The following KSR1 variants were observed in gnomAD, a reference collection of about 807,000 sequenced individuals.
KSR1 encodes the protein kinase suppressor of ras.
KSR1 carries 35 observed loss-of-function variants against 92.9 expected under a neutral mutation model. The ratio of observed to expected loss-of-function variants is 0.38; its 90% confidence interval spans 0.29 to 0.50. KSR1 has a LOEUF of 0.50. KSR1 is among the 20% of genes least tolerant of loss of function. The probability of loss-of-function intolerance (pLI) is 0.94; values close to 1 mark genes in which losing one functional copy is unlikely to be tolerated. For synonymous variants in KSR1, 467 were observed against 472.6 expected (o/e 0.99, Z 0.15); for missense variants, 972 against 1,158.5 (o/e 0.84, Z 2.34).
At chr17:27,621,813 A>C in intron 20 of KSR1, 3 of 967,066 alleles carry the variant, frequency 3.1e-6, no homozygotes, top group Non-Finnish European at 4.9e-6. Flanking sequence ...TCTCTCTGGA[A>C]GAGAAAGGGA....
intron 18 of KSR1, among the ~76,000 whole-genome samples, chr17:27,615,705 G>T (rs1044163363): frequency 2.0e-5 from 3 of 151,916 alleles, no homozygotes; most frequent in Admixed American, 1.3e-4. Context: ...TTCACTCCTG[G>T]GTCAGTTGCA....
chr17:27,590,641 G>T (rs1317158530), intron 6 of KSR1, among the ~76,000 whole-genome samples, 170 bp from the exon 7 acceptor site: 1 of 152,218 alleles, frequency 6.6e-6, no homozygotes, highest in Non-Finnish European at 1.5e-5. Context: ...TTAAATGTGA[G>T]GGGAGAAGCA....
intron 1 of KSR1, among the ~76,000 whole-genome samples, chr17:27,539,690 T>C (rs2070888300): frequency 6.6e-6 from 1 of 152,228 alleles, no homozygotes; most frequent in Admixed American, 6.5e-5. Context: ...GTGGGTGTCT[T>C]TCTTTCTCAT....
intron 1 of KSR1, among the ~76,000 whole-genome samples, chr17:27,486,433 G>A (rs1413359888): frequency 6.6e-6 from 1 of 152,198 alleles, no homozygotes; most frequent in Non-Finnish European, 1.5e-5. Context: ...TGGCCAGTAT[G>A]TGGAACTCCC....
At chr17:27,463,467 GA>G (rs963635192) in intron 1 of KSR1, among the ~76,000 whole-genome samples, 1,557 of 109,642 alleles carry the variant, frequency 0.014, 14 homozygotes, top group African/African-American at 0.032. Flanking sequence ...GGATGACAGA[GA>G]AAAAAAAAAA....
intron 1 of KSR1, among the ~76,000 whole-genome samples, chr17:27,508,464 C>CA (rs1287258264): frequency 6.6e-6 from 1 of 152,112 alleles, no homozygotes; most frequent in Non-Finnish European, 1.5e-5. Context: ...AGCCTGGAGT[C>CA]CTGCTATTTG....
chr17:27,499,724 C>T (rs2069110774), intron 1 of KSR1, among the ~76,000 whole-genome samples: 1 of 152,214 alleles, frequency 6.6e-6, no homozygotes, highest in Admixed American at 6.5e-5. Flanking sequence ...ATGGGTCTGG[C>T]TCTCAGGTAA....
intron 1 of KSR1, among the ~76,000 whole-genome samples, chr17:27,490,228 A>G (rs925845657): frequency 2.0e-5 from 3 of 152,248 alleles, no homozygotes; most frequent in Non-Finnish European, 2.9e-5. Context: ...AAAGTTAAGC[A>G]TATAGTAAAT....
chr17:27,468,461 T>C (rs908883220), intron 1 of KSR1, among the ~76,000 whole-genome samples: 2 of 151,278 alleles, frequency 1.3e-5, no homozygotes, highest in Non-Finnish European at 3.0e-5. Flanking sequence ...GCTTGTGAGC[T>C]CAAGCAATTT....
At chr17:27,514,833 T>A (rs1323806384) in intron 1 of KSR1, among the ~76,000 whole-genome samples, 1 of 152,226 alleles carries the variant, frequency 6.6e-6, no homozygotes, top group East Asian at 1.9e-4. Flanking sequence ...ATGGCTGCTA[T>A]ATCTCCAGGT....
intron 7 of KSR1, among the ~76,000 whole-genome samples, chr17:27,591,903 G>C (rs1374488212): frequency 6.6e-6 from 1 of 152,246 alleles, no homozygotes; most frequent in African/African-American, 2.4e-5. Flanking sequence ...GCCCGGGGCT[G>C]ACCCTCAGAC....
intron 1 of KSR1, among the ~76,000 whole-genome samples, chr17:27,504,759 C>T (rs2069315856): frequency 2.0e-5 from 3 of 152,158 alleles, no homozygotes; most frequent in South Asian, 2.1e-4. Context: ...GAGGGCTGCT[C>T]CTTTGCAGGA....
chr17:27,580,039 C>T (rs1043915433), intron 3 of KSR1, among the ~76,000 whole-genome samples: 1 of 152,060 alleles, frequency 6.6e-6, no homozygotes. Context: ...GTGTCATTCT[C>T]AAGCAGCCAC....
chr17:27,535,094 T>G (rs1220164103), intron 1 of KSR1, among the ~76,000 whole-genome samples: 1 of 152,034 alleles, frequency 6.6e-6, no homozygotes, highest in Non-Finnish European at 1.5e-5. Flanking sequence ...TGGGACTCAG[T>G]GTTTCAGGGG....
At chr17:27,572,483 G>T (rs1035537466) in intron 2 of KSR1, among the ~76,000 whole-genome samples, 1 of 152,194 alleles carries the variant, frequency 6.6e-6, no homozygotes, top group Admixed American at 6.5e-5. Context: ...CGGACTCCCA[G>T]CCGGGTTCTC....
chr17:27,550,522 T>C (rs1293960710), intron 1 of KSR1, 46 bp from the exon 2 acceptor site: 6 of 758,730 alleles, frequency 7.9e-6, no homozygotes, highest in Non-Finnish European at 1.2e-5. Flanking sequence ...GCCATATGGT[T>C]GGGCTGCAGA....
rs1335798832 is a variant in KSR1 at position 27,592,589 on chromosome 17, C to T, written c.1262C>T (p.Pro421Leu). Reference sequence around the variant, plus strand: ...AACCCGGTGGACAGAGCAGCCGAACCCCATTTTGGAACCCTCCCCAAAGCA... The same window carrying T: ...AACCCGGTGGACAGAGCAGCCGAACTCCATTTTGGAACCCTCCCCAAAGCA... ...INNPVDRAAEPHFGTLPKALT... is the reference protein window; with the variant it reads ...INNPVDRAAELHFGTLPKALT... The change falls in exon 9 of 21, where the codon CCC becomes CTC. Residue 421 changes from proline to leucine, a missense_variant. This residue lies in a region of KSR1 where 611 missense variants were observed against 668.0 expected (regional missense o/e 0.91). Coordinates refer to ENST00000644974, the MANE Select transcript of KSR1 (RefSeq NM_001394583.1). The T allele has an allele frequency of 6.2e-7, 1 of 1,613,898 alleles. No homozygotes were observed.
At chr17:27,583,935 A>G (rs2072873510) in intron 4 of KSR1, 5 of 980,640 alleles carry the variant, frequency 5.1e-6, no homozygotes, top group Non-Finnish European at 6.1e-6. Context: ...TCAGGAGCCA[A>G]CCAGGCTAGC....
intron 14 of KSR1, among the ~76,000 whole-genome samples, chr17:27,607,381 A>G (rs1479165321): frequency 6.6e-6 from 1 of 152,060 alleles, no homozygotes; most frequent in Non-Finnish European, 1.5e-5. Flanking sequence ...TGGCGACCCC[A>G]GAACTGAAGC....
Sources: gnomAD v4.1 joint callset for allele counts (sites outside exome capture counted in the v4.1 genomes callset) on GRCh38, gnomAD v4.1.1 for gene constraint, gnomAD v4.1.1 regional missense constraint, MANE v1.5 for transcripts, NCBI Gene and HGNC (gene_info 2026-07-23, HGNC 2026-07-21) for gene names.